ESR1: variants seen among roughly 807,000 people sequenced by gnomAD.
ESR1 encodes the protein estrogen receptor 1, also known as estrogen receptor.
In ESR1, 12 loss-of-function variants were observed where a neutral mutation model predicts 52.7. That is an observed-to-expected ratio of 0.23 (90% confidence interval 0.15 to 0.37). The LOEUF (loss-of-function observed/expected upper bound fraction) is 0.37. ESR1 is among the 10% of genes least tolerant of loss of function. The pLI is 1.00. For missense variants in ESR1, 584 were observed against 779.7 expected (o/e 0.75, Z 2.99); for synonymous variants, 305 against 316.8 (o/e 0.96, Z 0.39).
At chr6:151,791,352 TG>T (rs1328214835) in intron 2 of ESR1, among the ~76,000 whole-genome samples, 2 of 152,168 alleles carry the variant, frequency 1.3e-5, no homozygotes, top group Admixed American at 1.3e-4. Context: ...GTTTTATAAA[TG>T]GGAGTTCTCT....
At chr6:151,761,052 C>A (rs1229369052) in intron 2 of ESR1, among the ~76,000 whole-genome samples, 1 of 151,988 alleles carries the variant, frequency 6.6e-6, no homozygotes, top group Non-Finnish European at 1.5e-5. Flanking sequence ...TACTAGCATG[C>A]TGTTCTGTTC....
chr6:152,009,066 C>G (rs9340955), intron 4 of ESR1, among the ~76,000 whole-genome samples: 1 of 152,090 alleles, frequency 6.6e-6, no homozygotes, highest in Admixed American at 6.6e-5. Flanking sequence ...GTACATCCTA[C>G]AGGTAAATCA....
At chr6:151,905,810 A>G (rs897504231) in intron 3 of ESR1, among the ~76,000 whole-genome samples, 4 of 152,214 alleles carry the variant, frequency 2.6e-5, no homozygotes, top group African/African-American at 9.6e-5. Flanking sequence ...AAAGCGAAAA[A>G]TACTATTTCA....
intron 2 of ESR1, among the ~76,000 whole-genome samples, chr6:151,752,411 G>C (rs536113718): frequency 6.8e-6 from 1 of 148,062 alleles, no homozygotes; most frequent in East Asian, 2.0e-4. Flanking sequence ...TTTAAATACT[G>C]TTTTATCAGT....
At chr6:152,118,630 G>C (rs374368530) in intron 6 of ESR1, among the ~76,000 whole-genome samples, 195 of 151,856 alleles carry the variant, frequency 1.3e-3, no homozygotes, top group African/African-American at 4.5e-3. Flanking sequence ...GGGGGCAAGG[G>C]GAGGGAGAGC....
chr6:151,762,727 G>A (rs1784748515), intron 2 of ESR1, among the ~76,000 whole-genome samples: 1 of 152,156 alleles, frequency 6.6e-6, no homozygotes, highest in Non-Finnish European at 1.5e-5. Context: ...ACTTTGGGAG[G>A]CTGAAGTGGG....
chr6:151,677,827 A>G (rs1239168083), intron 1 of ESR1, among the ~76,000 whole-genome samples: 1 of 152,190 alleles, frequency 6.6e-6, no homozygotes, highest in Non-Finnish European at 1.5e-5. Context: ...AGGGTTTGGT[A>G]TAAATTTGGA....
chr6:151,842,895 G>A, intron 2 of ESR1, 108 bp downstream of exon 2: 1 of 923,746 alleles, frequency 1.1e-6, no homozygotes, highest in Non-Finnish European at 1.7e-6. Flanking sequence ...TACAAAACAT[G>A]AATCCCTAGT....
chr6:151,682,240 G>A (rs1372681943), intron 1 of ESR1, among the ~76,000 whole-genome samples: 2 of 152,136 alleles, frequency 1.3e-5, no homozygotes, highest in Non-Finnish European at 2.9e-5. Flanking sequence ...TCCTATATGA[G>A]AAAAATAAAT....
upstream of ESR1, chr6:151,804,651 A>C (rs2128147114): frequency 6.6e-6 from 1 of 152,192 alleles, no homozygotes; most frequent in South Asian, 2.1e-4. Context: ...ATGGCTTTCT[A>C]TTTCTTTTTT....
At chr6:151,943,659 AGAAGTCTACTTG>A (rs1196517410) in intron 3 of ESR1, among the ~76,000 whole-genome samples, 1 of 152,216 alleles carries the variant, frequency 6.6e-6, no homozygotes. Context: ...TTGCCCATTA[AGAAGTCTACTTG>A]GACTAAATGC....
chr6:151,960,277 G>C (rs1027674364), intron 4 of ESR1, among the ~76,000 whole-genome samples: 1 of 152,154 alleles, frequency 6.6e-6, no homozygotes, highest in Non-Finnish European at 1.5e-5. Flanking sequence ...ACATTCTAGT[G>C]GGGGAGACAG....
intron 3 of ESR1, among the ~76,000 whole-genome samples, chr6:151,901,129 G>A (rs574151658): frequency 6.2e-4 from 95 of 152,258 alleles, no homozygotes; most frequent in Non-Finnish European, 1.1e-3. Context: ...GCTGTGCTGT[G>A]GGGCAGGGGG....
chr6:151,998,772 C>G (rs1045390060), intron 4 of ESR1, among the ~76,000 whole-genome samples: 1 of 152,124 alleles, frequency 6.6e-6, no homozygotes, highest in Non-Finnish European at 1.5e-5. Context: ...TTTTCTTCCT[C>G]TTAACTTACA....
At chr6:151,847,137 G>C (rs1168640474) in intron 2 of ESR1, among the ~76,000 whole-genome samples, 2 of 152,146 alleles carry the variant, frequency 1.3e-5, no homozygotes, top group Admixed American at 6.5e-5. Context: ...TGGCCAGGAA[G>C]ACATGGTATC....
intron 6 of ESR1, among the ~76,000 whole-genome samples, chr6:152,115,406 T>C (rs1045673558): frequency 2.0e-5 from 3 of 152,210 alleles, no homozygotes; most frequent in Admixed American, 6.5e-5. Context: ...GGGACAATTA[T>C]CTATTCATTT....
In ESR1 at chr6:151,685,456, A is replaced by C. The variant is rs574377053; in HGVS notation, n.74-16419A>C. Among the ~76,000 whole-genome samples the C allele has an allele frequency of 3.6e-4, 55 of 152,188 alleles. No individual in the cohort carries two copies. In the Middle Eastern group the frequency reaches 0.014, roughly 38 times the overall value. On this transcript the variant is annotated intron_variant and non_coding_transcript_variant, in intron 1 of 2. Coordinates refer to the ESR1 transcript ENST00000473497. The stretch of plus-strand genomic sequence containing the variant: ...CCACTGGCCTCTTGTCCTTAGAGGA[A>C]ATATGTGAATTTCTCCTTTCTGCTC...
intron 5 of ESR1, among the ~76,000 whole-genome samples, chr6:152,033,511 G>A (rs2044943355): frequency 2.6e-5 from 4 of 152,150 alleles, no homozygotes; most frequent in Admixed American, 2.6e-4. Context: ...CTCAAAAGAA[G>A]ACATTTATGC....
At chr6:152,043,053 C>A (rs753542199) in intron 5 of ESR1, among the ~76,000 whole-genome samples, 10 of 152,150 alleles carry the variant, frequency 6.6e-5, no homozygotes, top group Non-Finnish European at 1.5e-4. Context: ...ATCTATTTCA[C>A]AATGTGCTGG....
Sources: gnomAD v4.1 joint callset for allele counts (sites outside exome capture counted in the v4.1 genomes callset) on GRCh38, gnomAD v4.1.1 for gene constraint, MANE v1.5 for transcripts, NCBI Gene and HGNC (gene_info 2026-07-23, HGNC 2026-07-21) for gene names.